EML5: variants seen among roughly 807,000 people sequenced by gnomAD.
EML5 encodes echinoderm microtubule-associated protein-like 5.
EML5 carries 120 observed loss-of-function variants against 250.0 expected under a neutral mutation model. That is an observed-to-expected ratio of 0.48 (90% CI 0.41 to 0.56). The LOEUF is 0.56. EML5 is among the 20% of genes least tolerant of loss of function. EML5 has a pLI of 0.00. For synonymous variants in EML5, 771 were observed against 806.5 expected (o/e 0.96, Z 0.75); for missense variants, 2,006 against 2,437.6 (o/e 0.82, Z 3.73).
chr14:88,625,221 C>T (rs1032706524), intron 35 of EML5, 94 bp from the exon 36 acceptor site: 1 of 1,400,186 alleles, frequency 7.1e-7, no homozygotes, highest in African/African-American at 1.4e-5. Context: ...TGCTGTCTCA[C>T]CCTTGATACA....
chr14:88,622,104 C>G (rs928031682), intron 37 of EML5: 2 of 245,600 alleles, frequency 8.1e-6, no homozygotes, highest in African/African-American at 4.5e-5. Flanking sequence ...TTTTTAGTTT[C>G]TGCACAGGAG....
At chr14:88,749,882 G>A (rs920017299) in intron 2 of EML5, among the ~76,000 whole-genome samples, 1 of 152,150 alleles carries the variant, frequency 6.6e-6, no homozygotes, top group Non-Finnish European at 1.5e-5. Flanking sequence ...CAAGAAAAAT[G>A]TGAGGAAAAA....
rs2140205206 is a variant in EML5 at position 88,614,860 on chromosome 14, TC to T, written c.*957del. 6.6e-6 allele frequency: 1 copy of T among 152,258 alleles called. No homozygotes were observed. The highest frequency in any genetic ancestry group is 2.4e-5 in the African/African-American group (1 of 41,542). 9.4% of individuals were successfully genotyped at this position (152,258 alleles called of 1,614,324 possible). ...GAGTGGCACACATCTAAACAAATTT[TC>T]CCAATAGAAAAAAGGCTATAAAAAT... On this transcript the variant is annotated 3_prime_UTR_variant, in exon 44 of 44. Coordinates refer to ENST00000554922, the MANE Select transcript of EML5 (RefSeq NM_183387.3).
At chr14:88,631,774 AAAAGAAAAAAAC>A (rs1186119200) in intron 33 of EML5, among the ~76,000 whole-genome samples, 3 of 152,210 alleles carry the variant, frequency 2.0e-5, no homozygotes, top group Non-Finnish European at 4.4e-5. Flanking sequence ...CCATCTCAAA[AAAAGAAAAAAAC>A]AAAACAGAAA....
chr14:88,616,664 G>A, intron 42 of EML5, 62 bp downstream of exon 42: 1 of 1,437,064 alleles, frequency 7.0e-7, no homozygotes, highest in Non-Finnish European at 9.4e-7. Context: ...GGGGAAAAGT[G>A]CTGATGATAA....
chr14:88,751,603 G>C (rs181261432), intron 2 of EML5, among the ~76,000 whole-genome samples: 1 of 146,230 alleles, frequency 6.8e-6, no homozygotes, highest in African/African-American at 2.5e-5. Context: ...GAACATTCAA[G>C]TGTGATATTT....
Position 88,612,433 on chromosome 14 carries a change from C to T in EML5, c.*3385G>A, listed in dbSNP as rs45541634. The T allele has an allele frequency of 5.5e-3, 836 of 152,304 alleles. 3 individuals are homozygous for T. The highest frequency in any genetic ancestry group is 8.7e-3 in the Non-Finnish European group (592 of 68,046). The allele number at this position is 152,304 out of a possible 1,614,324, so 9.4% of individuals were successfully genotyped here. ...TGCAGAAAATAGGAACAGTTCTATA[C>T]AGTGCTCTCATTTACTAATAACATA... On this transcript the variant is annotated 3_prime_UTR_variant, in exon 44 of 44. Transcript: ENST00000554922.
At chr14:88,670,272 A>G (rs1425165951) in intron 21 of EML5, among the ~76,000 whole-genome samples, 1 of 148,534 alleles carries the variant, frequency 6.7e-6, no homozygotes, top group Non-Finnish European at 1.5e-5. Context: ...GTGGGCCAAG[A>G]TCATGCCACT....
intron 1 of EML5, among the ~76,000 whole-genome samples, chr14:88,760,397 C>A (rs1387282125): frequency 1.3e-5 from 2 of 152,092 alleles, no homozygotes; most frequent in Non-Finnish European, 2.9e-5. Context: ...AACTTTCCAG[C>A]ACCATGTATT....
chr14:88,645,273 A>G (rs902073880), intron 29 of EML5, among the ~76,000 whole-genome samples: 58 of 151,688 alleles, frequency 3.8e-4, no homozygotes, highest in Non-Finnish European at 7.9e-4. Context: ...TGATCCGCCT[A>G]CCTCGGCCTC....
At chr14:88,631,225 T>C (rs1269300745) in intron 33 of EML5, among the ~76,000 whole-genome samples, 3 of 152,224 alleles carry the variant, frequency 2.0e-5, no homozygotes, top group Non-Finnish European at 4.4e-5. Context: ...TTTTCTTTTT[T>C]CTTTTTGAGA....
intron 25 of EML5, among the ~76,000 whole-genome samples, chr14:88,660,042 G>A (rs933721578): frequency 2.0e-5 from 3 of 151,978 alleles, no homozygotes; most frequent in Non-Finnish European, 2.9e-5. Context: ...TTAGGATGCC[G>A]AGGCAGGAGG....
intron 10 of EML5, among the ~76,000 whole-genome samples, chr14:88,708,753 T>C (rs1019721128): frequency 7.9e-5 from 12 of 152,126 alleles, no homozygotes; most frequent in Admixed American, 5.9e-4. Context: ...TCTTTTGGAC[T>C]CCATTTTCTC....
At chr14:88,737,772 C>T (rs2093866660) in intron 6 of EML5, among the ~76,000 whole-genome samples, 1 of 152,190 alleles carries the variant, frequency 6.6e-6, no homozygotes, top group Non-Finnish European at 1.5e-5. Context: ...CTTCTTCCTT[C>T]TCCCTTGTAG....
chr14:88,693,543 G>A (rs1003363720), intron 17 of EML5, among the ~76,000 whole-genome samples: 1 of 152,168 alleles, frequency 6.6e-6, no homozygotes, highest in African/African-American at 2.4e-5. Context: ...TACAAGTGAA[G>A]GTGAGATTTG....
chr14:88,663,932 T>A (rs1390089038), intron 23 of EML5, among the ~76,000 whole-genome samples: 1 of 152,164 alleles, frequency 6.6e-6, no homozygotes, highest in East Asian at 1.9e-4. Flanking sequence ...CTTTACAAAT[T>A]AAACAACTAA....
intron 15 of EML5, among the ~76,000 whole-genome samples, chr14:88,695,921 GTCAA>G (rs1338871365): frequency 6.6e-6 from 1 of 151,854 alleles, no homozygotes; most frequent in Non-Finnish European, 1.5e-5. Flanking sequence ...TTTAGTAAAG[GTCAA>G]TCATTCAAGC....
chr14:88,704,272 GCT>G (rs1308342022), intron 13 of EML5, among the ~76,000 whole-genome samples: 3 of 151,944 alleles, frequency 2.0e-5, no homozygotes, highest in Admixed American at 1.3e-4. Context: ...CTTTTTCCTT[GCT>G]CTCTCTCTTG....
At position 88,721,368 on chromosome 14, in the gene EML5, A is replaced by T. The variant is rs935564170; in HGVS notation, c.1187+5173T>A. ...ATCACGCTACTGAACCTCAAACTAT[A>T]TTACAAGGCTACAGTAACCAAAACA... On this transcript the variant is annotated intron_variant, in intron 8 of 43. Coordinates refer to ENST00000554922, the MANE Select transcript of EML5 (RefSeq NM_183387.3). Among the ~76,000 whole-genome samples, 5 of 152,220 alleles carry T rather than the reference A, an allele frequency of 3.3e-5. No individual in the cohort carries two copies. In the South Asian group the frequency reaches 1.0e-3, roughly 32 times the overall value.
Sources: gnomAD v4.1 joint callset for allele counts (sites outside exome capture counted in the v4.1 genomes callset) on GRCh38, gnomAD v4.1.1 for gene constraint, MANE v1.5 for transcripts, NCBI Gene and HGNC (gene_info 2026-07-23, HGNC 2026-07-21) for gene names.